The following MUC5AC variants were observed in gnomAD, a reference collection of about 807,000 sequenced individuals.
MUC5AC encodes the protein mucin-5AC.
In MUC5AC, 158 loss-of-function variants were observed where a neutral mutation model predicts 169.7. The observed-to-expected ratio is 0.93, with a 90% CI of 0.82 to 1.06. MUC5AC has a LOEUF of 1.06. Ranked by LOEUF, MUC5AC falls within the 50% of genes least tolerant of loss-of-function variation. The probability of loss-of-function intolerance (pLI) is 0.00; values close to 1 mark genes in which losing one functional copy is unlikely to be tolerated. For synonymous variants in MUC5AC, 1,975 were observed against 1,237.0 expected (o/e 1.60, Z -12.52); for missense variants, 4,359 against 3,089.9 (o/e 1.41, Z -9.74).
In MUC5AC at chr11:1,158,342, G is replaced by A. The variant is rs114786640; in HGVS notation, c.73+270G>A. ...GCTCAGATCTCGGGCTTTCCCTCCCGGCCCGGATCCCTGCACCTGTCCCCA... is the reference window on the plus strand; with the variant it reads ...GCTCAGATCTCGGGCTTTCCCTCCCAGCCCGGATCCCTGCACCTGTCCCCA... On this transcript the variant is annotated intron_variant, in intron 1 of 48. Coordinates refer to ENST00000621226, the MANE Select transcript of MUC5AC (RefSeq NM_001304359.2). 4.0e-4 allele frequency among the ~76,000 whole-genome samples: 61 copies of A among 152,294 alleles called. 1 individual carries two copies. The highest frequency in any genetic ancestry group is 1.3e-3 in the African/African-American group (56 of 41,562).
chr11:1,200,012 G>C (rs1174606110), intron 48 of MUC5AC, 43 bp downstream of exon 48: 1 of 707,780 alleles, frequency 1.4e-6, no homozygotes, highest in African/African-American at 1.7e-5. Context: ...ATTGGCTGTG[G>C]GGTGCAGTCA....
At chr11:1,199,264 T>C in intron 45 of MUC5AC, 79 bp downstream of exon 45, 1 of 704,446 alleles carries the variant, frequency 1.4e-6, no homozygotes, top group Non-Finnish European at 2.6e-6. Flanking sequence ...TTGCCAGGCA[T>C]GCGTCTGGCA....
At chr11:1,169,232 G>A (rs892841684) in intron 15 of MUC5AC, 26 of 903,052 alleles carry the variant, frequency 2.9e-5, no homozygotes, top group Non-Finnish European at 3.4e-5. Flanking sequence ...CTGCTTCAGG[G>A]TCAAAGAAAG....
intron 15 of MUC5AC, 162 bp downstream of exon 15, chr11:1,169,188 C>G: frequency 7.2e-6 from 7 of 977,034 alleles, no homozygotes; most frequent in Non-Finnish European, 8.5e-6. Flanking sequence ...GGCGCCCAAC[C>G]CAGCTTATGT....
At chr11:1,159,382 G>T (rs1396113962) in intron 1 of MUC5AC, among the ~76,000 whole-genome samples, 1 of 149,002 alleles carries the variant, frequency 6.7e-6, no homozygotes, top group East Asian at 2.0e-4. Context: ...GGCTGTGCGG[G>T]GCTGGGGTCC....
At chr11:1,163,808 G>T (rs1429414957) in intron 6 of MUC5AC, 74 bp from the exon 7 acceptor site, 1 of 1,221,752 alleles carries the variant, frequency 8.2e-7, no homozygotes, top group Non-Finnish European at 1.2e-6. Context: ...CGGCCCTGGG[G>T]GCTCTGCTGC....
In MUC5AC at chr11:1,174,348, T is replaced by C. The variant is rs1860622215; in HGVS notation, c.1966-148T>C. On this transcript the variant is annotated intron_variant, in intron 16 of 48. Transcript: ENST00000621226. The stretch of plus-strand genomic sequence containing the variant: ...AAGCAATTCTGCTGAGGGGGCAGGA[T>C]GCCTGTGAGGACTCACAGAGGGGTC... The C allele has an allele frequency of 9.0e-6, 5 of 558,444 alleles. No homozygotes were observed. In the South Asian group the frequency reaches 1.1e-4, roughly 13 times the overall value. The allele number at this position is 558,444 out of a possible 1,614,324, so 34.6% of individuals were successfully genotyped here. A position where few individuals can be genotyped will look rare whatever the true frequency, so the allele number is the denominator to read the frequency against.
Position 1,195,154 on chromosome 11 carries a change from G to C in MUC5AC, c.15333G>C (p.Thr5111=). 2 of 760,406 alleles carry C rather than the reference G, an allele frequency of 2.6e-6. No homozygotes were observed. The highest frequency in any genetic ancestry group is 2.4e-6 in the Non-Finnish European group (1 of 415,798). 47.1% of individuals were successfully genotyped at this position (760,406 alleles called of 1,614,324 possible). Residue 5111 remains threonine (T), a synonymous_variant, in exon 36 of 49, where the codon ACG becomes ACC. Coordinates refer to ENST00000621226, the MANE Select transcript of MUC5AC (RefSeq NM_001304359.2). The stretch of plus-strand genomic sequence containing the variant: ...ACCGGCCTCACCCGACGCCCACCAC[G>C]GTCGGGCCCACCACAGTTGGGTCTA... ...ACHRPHPTPT[T]VGPTTVGSTT...
intron 37 of MUC5AC, among the ~76,000 whole-genome samples, 165 bp from the exon 38 acceptor site, chr11:1,196,223 G>C (rs55987234): frequency 6.6e-6 from 1 of 152,212 alleles, no homozygotes; most frequent in Non-Finnish European, 1.5e-5. Flanking sequence ...GGGCGTCCAC[G>C]TCTGGGAGCC....
rs2133756729 is a variant in MUC5AC, at chr11:1,185,428, C to T, written c.7283C>T (p.Thr2428Ile). 1 of 730,268 alleles carries T rather than the reference C, an allele frequency of 1.4e-6. No homozygotes were observed. The highest frequency in any genetic ancestry group is 2.5e-5 in the East Asian group (1 of 39,420). 45.2% of individuals were successfully genotyped at this position (730,268 alleles called of 1,614,324 possible). A position where few individuals can be genotyped will look rare whatever the true frequency, so the allele number is the denominator to read the frequency against. The change falls in exon 31 of 49, where the codon ACA (threonine) becomes ATA (isoleucine). Residue 2428 changes from threonine to isoleucine, a missense_variant. Physicochemically the swap from Thr to Ile is moderately conservative, Grantham distance 89. Coordinates refer to ENST00000621226, the MANE Select transcript of MUC5AC (RefSeq NM_001304359.2). ...TSTTSAPTSSTTSSPQTSTTS... is the reference protein window; with the variant it reads ...TSTTSAPTSSITSSPQTSTTS... ...ACAACCTCTGCCCCTACAAGCAGCA[C>T]AACCTCCAGTCCACAGACCAGCACA...
Position 1,177,563 on chromosome 11 carries a change from C to G in MUC5AC, c.3017C>G (p.Thr1006Ser), listed in dbSNP as rs1244832672. 2 of 398,736 alleles carry G rather than the reference C, an allele frequency of 5.0e-6. No individual in the cohort carries two copies. The highest frequency in any genetic ancestry group is 4.1e-5 in the African/African-American group (2 of 48,728). 24.7% of individuals were successfully genotyped at this position (398,736 alleles called of 1,614,324 possible). Reference sequence around the variant, plus strand: ...ATGGGCATCTACCTGGTGGTGGACACCGACATTGGCCTGGTGCTGCTGTGG... The same window carrying G: ...ATGGGCATCTACCTGGTGGTGGACAGCGACATTGGCCTGGTGCTGCTGTGG... ...RQMGIYLVVDTDIGLVLLWDK... is the reference protein window; with the variant it reads ...RQMGIYLVVDSDIGLVLLWDK... Residue 1006 changes from threonine (T) to serine (S), a missense_variant, in exon 24 of 49, where the codon ACC becomes AGC. By Grantham distance (58) the Thr-to-Ser change is moderately conservative. Coordinates refer to ENST00000621226, the MANE Select transcript of MUC5AC (RefSeq NM_001304359.2).
At chr11:1,176,831 T>C (rs1439324216) in intron 21 of MUC5AC, 97 bp from the exon 22 acceptor site, 2 of 398,548 alleles carry the variant, frequency 5.0e-6, no homozygotes, top group African/African-American at 4.1e-5. Context: ...AGTGGGCGCG[T>C]GTCTATGGTG....
chr11:1,170,875 GCCCACTCACTCACCTCACTCACTCA>G (rs1232006583), intron 15 of MUC5AC, among the ~76,000 whole-genome samples: 7 of 88,074 alleles, frequency 7.9e-5, no homozygotes, highest in Non-Finnish European at 1.3e-4. Flanking sequence ...TCGCCTATTC[GCCCACTCACTCACCTCACTCACTCA>G]CCCACTCACT....
chr11:1,171,685 C>A (rs1244273832), intron 15 of MUC5AC, among the ~76,000 whole-genome samples: 1 of 110,584 alleles, frequency 9.0e-6, no homozygotes, highest in Non-Finnish European at 1.9e-5. Context: ...ACTCACTCAC[C>A]CATTCACCCA....
At chr11:1,195,513 G>A (rs1744012168) in intron 36 of MUC5AC, among the ~76,000 whole-genome samples, 5 of 152,236 alleles carry the variant, frequency 3.3e-5, no homozygotes, top group Admixed American at 3.3e-4. Context: ...ATGCTGCCAA[G>A]GGGTCACCAG....
At chr11:1,196,503 A>G (rs1398182713) in intron 38 of MUC5AC, 28 bp downstream of exon 38, 1 of 764,766 alleles carries the variant, frequency 1.3e-6, no homozygotes, top group Non-Finnish European at 2.4e-6. Context: ...TGGCCCTGCC[A>G]TGGGCTGCTG....
In MUC5AC at chr11:1,181,296, G is replaced by C. The variant is rs1437890693; in HGVS notation, c.3846G>C (p.Gln1282His). 5.0e-6 allele frequency: 2 copies of C among 398,466 alleles called. No individual in the cohort carries two copies. The highest frequency in any genetic ancestry group is 4.1e-5 in the African/African-American group (2 of 48,598). 24.7% of individuals were successfully genotyped at this position (398,466 alleles called of 1,614,324 possible). ...AEACVCTYNG[Q>H]RFHPGDVIYH... is the part of the protein sequence containing the mutation. The stretch of plus-strand genomic sequence containing the variant: ...CCTGTGTCTGCACCTACAATGGACA[G>C]CGCTTCCACCCAGGGGACGTCATCT... The change falls in exon 30 of 49, where the codon CAG becomes CAC. Residue 1282 changes from glutamine to histidine, a missense_variant. Physicochemically the swap from Gln to His is conservative, Grantham distance 24. Transcript: ENST00000621226.
chr11:1,178,654 G>T lies in MUC5AC; in HGVS notation c.3298G>T (p.Gly1100Cys). The T allele has an allele frequency of 7.5e-7, 1 of 1,337,906 alleles. No individual in the cohort carries two copies. The highest frequency in any genetic ancestry group is 9.7e-7 in the Non-Finnish European group (1 of 1,035,612). 82.9% of individuals were successfully genotyped at this position (1,337,906 alleles called of 1,614,324 possible). ...CCAGAAGCAGTGCAGCATCCTCCAC[G>T]GCCCCACCTTCGCCGCCTGCCACGC... ...WAQKQCSILH[G>C]PTFAACHAHV... The change falls in exon 25 of 49, where the codon GGC becomes TGC. Residue 1100 changes from glycine (G) to cysteine (C), a missense_variant. Transcript: ENST00000621226.
intron 9 of MUC5AC, 44 bp downstream of exon 9, chr11:1,164,576 A>G (rs1860248150): frequency 6.4e-7 from 1 of 1,569,038 alleles, no homozygotes; most frequent in South Asian, 1.2e-5. Context: ...CACCCCGACA[A>G]CTAGGGGGCT....
Sources: allele counts gnomAD v4.1 joint callset (sites outside exome capture counted in the v4.1 genomes callset), GRCh38; gene constraint gnomAD v4.1.1; transcripts MANE v1.5; gene names NCBI Gene and HGNC (gene_info 2026-07-23, HGNC 2026-07-21).